Variants in NRG1 observed in about 807,000 individuals in gnomAD.
The protein encoded by NRG1 is pro-neuregulin-1, membrane-bound isoform.
NRG1 carries 18 observed loss-of-function variants against 63.8 expected under a neutral mutation model. The ratio of observed to expected loss-of-function variants is 0.28; its 90% CI spans 0.19 to 0.42. The LOEUF is 0.42. NRG1 is among the 10% of genes least tolerant of loss of function. The pLI, the probability that NRG1 is intolerant of heterozygous loss-of-function variation, is 1.00. For synonymous variants in NRG1, 302 were observed against 301.3 expected (o/e 1.00, Z -0.02); for missense variants, 762 against 814.7 (o/e 0.94, Z 0.79).
intron 2 of NRG1, among the ~76,000 whole-genome samples, chr8:32,602,979 A>T (rs920372440): frequency 1.3e-5 from 2 of 152,218 alleles, no homozygotes; most frequent in Non-Finnish European, 2.9e-5. Context: ...CGATAATTTT[A>T]AAAGTTGTCA....
At chr8:32,591,292 T>C (rs539753168) in intron 1 of NRG1, among the ~76,000 whole-genome samples, 1 of 152,270 alleles carries the variant, frequency 6.6e-6, no homozygotes, top group South Asian at 2.1e-4. Context: ...ATCTGATGAT[T>C]TTGGAACTAT....
intron 1 of NRG1, among the ~76,000 whole-genome samples, chr8:32,375,053 G>A (rs964771238): frequency 1.3e-5 from 2 of 152,118 alleles, no homozygotes; most frequent in African/African-American, 4.8e-5. Flanking sequence ...CGAAGTCTTG[G>A]ATCACTGCAA....
At chr8:32,041,342 G>A (rs958793196) in intron 1 of NRG1, among the ~76,000 whole-genome samples, 3 of 152,142 alleles carry the variant, frequency 2.0e-5, no homozygotes, top group Non-Finnish European at 2.9e-5. Flanking sequence ...GAATAAGATA[G>A]AGTAAACATA....
chr8:32,050,897 T>C (rs1249289240), intron 1 of NRG1, among the ~76,000 whole-genome samples: 1 of 152,104 alleles, frequency 6.6e-6, no homozygotes, highest in Non-Finnish European at 1.5e-5. Context: ...AGTATGACTA[T>C]GAATAAGTGT....
intron 1 of NRG1, among the ~76,000 whole-genome samples, chr8:32,067,668 T>G (rs905863408): frequency 6.6e-6 from 1 of 152,170 alleles, no homozygotes; most frequent in Non-Finnish European, 1.5e-5. Flanking sequence ...ATTTGACTTT[T>G]GGAAGACTCT....
intron 1 of NRG1, among the ~76,000 whole-genome samples, chr8:32,205,554 G>T (rs969748): frequency 0.81 from 123,092 of 152,132 alleles, 50,502 homozygotes; most frequent in African/African-American, 0.92. Flanking sequence ...CGACCTCTCT[G>T]GCATTGTGAA....
In NRG1 at chr8:32,695,219, T is replaced by C. The variant is rs1812953427; in HGVS notation, c.503-32730T>C. Among the ~76,000 whole-genome samples the C allele has an allele frequency of 2.6e-5, 4 of 152,030 alleles. No individual in the cohort carries two copies. The East Asian group carries it at 7.7e-4, about 29-fold the overall frequency. On this transcript the variant is annotated intron_variant, in intron 5 of 11. Transcript: ENST00000356819. ...AGTTGGGGATGGTGGCGCATATCTG[T>C]AATCCCAGCTACTGAGGAGGCTGAG...
intron 1 of NRG1, among the ~76,000 whole-genome samples, chr8:32,214,179 G>A (rs1316857499): frequency 2.6e-5 from 4 of 152,118 alleles, no homozygotes; most frequent in African/African-American, 7.2e-5. Context: ...AACAGGGGCA[G>A]GGCAGAGAGC....
intron 1 of NRG1, among the ~76,000 whole-genome samples, chr8:32,472,075 A>G (rs533085576): frequency 6.6e-6 from 1 of 152,328 alleles, no homozygotes; most frequent in Admixed American, 6.5e-5. Context: ...CCACCACTTT[A>G]CAAAGCCACT....
intron 1 of NRG1, among the ~76,000 whole-genome samples, chr8:32,394,167 C>G (rs1277650302): frequency 2.0e-5 from 3 of 152,194 alleles, no homozygotes; most frequent in Non-Finnish European, 2.9e-5. Flanking sequence ...CTGCTTTAAT[C>G]TATATCTGGT....
intron 1 of NRG1, among the ~76,000 whole-genome samples, chr8:32,141,619 T>TATATATATAC (rs1836284665): frequency 7.5e-6 from 1 of 133,860 alleles, no homozygotes; most frequent in African/African-American, 2.7e-5. Context: ...TATATATATA[T>TATATATATAC]ATATATATAT....
intron 1 of NRG1, among the ~76,000 whole-genome samples, chr8:31,796,865 G>C (rs952112306): frequency 6.6e-6 from 1 of 152,130 alleles, no homozygotes; most frequent in Admixed American, 6.5e-5. Flanking sequence ...TTCTGAAGGA[G>C]AATTCTTTCT....
At chr8:32,165,022 C>G (rs770600173) in intron 1 of NRG1, among the ~76,000 whole-genome samples, 1 of 152,198 alleles carries the variant, frequency 6.6e-6, no homozygotes, top group African/African-American at 2.4e-5. Context: ...CCCTCTCCCC[C>G]ACCCCCCAAC....
chr8:31,882,806 G>A (rs1830452568), intron 1 of NRG1, among the ~76,000 whole-genome samples: 1 of 152,070 alleles, frequency 6.6e-6, no homozygotes, highest in South Asian at 2.1e-4. Context: ...TGATGCCTGT[G>A]GATGTGACTG....
At chr8:32,508,772 G>A (rs28723392) in intron 1 of NRG1, among the ~76,000 whole-genome samples, 25,891 of 151,740 alleles carry the variant, frequency 0.17, 2,258 homozygotes, top group South Asian at 0.2. Context: ...GTCTCACTCC[G>A]TCACTCAGGC....
At chr8:32,452,716 T>G (rs2129488182) in intron 1 of NRG1, among the ~76,000 whole-genome samples, 1 of 152,276 alleles carries the variant, frequency 6.6e-6, no homozygotes, top group East Asian at 1.9e-4. Context: ...ATGTGTAAAC[T>G]TCTACTGTGA....
upstream of NRG1, among the ~76,000 whole-genome samples, chr8:32,544,703 T>G (rs868114070): frequency 0.019 from 2,691 of 144,598 alleles, 26 homozygotes; most frequent in African/African-American, 0.034. Flanking sequence ...TTTTTTTTTT[T>G]GTAGAGACAG....
chr8:32,043,441 A>G (rs958876619), intron 1 of NRG1, among the ~76,000 whole-genome samples: 2 of 152,174 alleles, frequency 1.3e-5, no homozygotes, highest in Middle Eastern at 6.8e-3. Flanking sequence ...TACCCTCTAA[A>G]AAGTTTGCTG....
At chr8:32,579,940 C>G (rs1218050664) in intron 1 of NRG1, among the ~76,000 whole-genome samples, 1 of 152,090 alleles carries the variant, frequency 6.6e-6, no homozygotes, top group Non-Finnish European at 1.5e-5. Flanking sequence ...CCTCTTACTT[C>G]CAAGCCAACA....
Sources: allele counts gnomAD v4.1 joint callset (sites outside exome capture counted in the v4.1 genomes callset), GRCh38; gene constraint gnomAD v4.1.1; transcripts MANE v1.5; gene names NCBI Gene and HGNC (gene_info 2026-07-23, HGNC 2026-07-21).